The following POU2F3 variants were observed in gnomAD, a reference collection of about 807,000 sequenced individuals.
POU2F3 encodes POU class 2 homeobox 3.
A neutral mutation model predicts 59.2 loss-of-function variants in POU2F3; 23 were observed. The observed-to-expected ratio is 0.39, with a 90% CI of 0.28 to 0.55. The LOEUF (loss-of-function observed/expected upper bound fraction) is 0.55, where lower values mean the gene tolerates loss of function less well. Ranked by LOEUF, POU2F3 falls within the 20% of genes least tolerant of loss-of-function variation. POU2F3 has a pLI of 0.66. For synonymous variants in POU2F3, 190 were observed against 214.6 expected (o/e 0.89, Z 1.00); for missense variants, 473 against 544.5 (o/e 0.87, Z 1.31).
In POU2F3 at chr11:120,302,384, C is replaced by A; in HGVS notation, c.444+16C>A. On this transcript the variant is annotated intron_variant, in intron 6 of 12. Coordinates refer to ENST00000543440, the MANE Select transcript of POU2F3 (RefSeq NM_014352.4). Reference sequence around the variant, plus strand: ...GGCATCCCAGGTAAACAACCCCATTCTTCCTGTTTCCTCTAGGAATGTCTC... The same window carrying A: ...GGCATCCCAGGTAAACAACCCCATTATTCCTGTTTCCTCTAGGAATGTCTC... The A allele has an allele frequency of 1.3e-6, 2 of 1,568,746 alleles. No individual in the cohort carries two copies. Among genetic ancestry groups the A allele is most frequent in the Admixed American group, 3.3e-5 (2 of 59,896 alleles).
Position 120,240,151 on chromosome 11 carries a change from C to T in POU2F3, c.-193C>T, listed in dbSNP as rs1938598403. 1.7e-6 allele frequency: 2 copies of T among 1,199,732 alleles called. No individual in the cohort carries two copies. Among genetic ancestry groups the T allele is most frequent in the Non-Finnish European group, 2.1e-6 (2 of 964,410 alleles). The allele number at this position is 1,199,732 out of a possible 1,614,324, so 74.3% of individuals were successfully genotyped here. A position where few individuals can be genotyped will look rare whatever the true frequency, so the allele number is the denominator to read the frequency against. On this transcript the variant is annotated 5_prime_UTR_variant, in exon 1 of 13. Coordinates refer to ENST00000543440, the MANE Select transcript of POU2F3 (RefSeq NM_014352.4). ...GTGCTCACCTGGGGAGTGTGGCAATCCTGGCGGCGCCGAGTGTTGCCCGGG... is the reference window on the plus strand; with the variant it reads ...GTGCTCACCTGGGGAGTGTGGCAATTCTGGCGGCGCCGAGTGTTGCCCGGG...
intron 2 of POU2F3, chr11:120,265,949 T>C (rs1939811881): frequency 6.6e-6 from 1 of 152,224 alleles, no homozygotes; most frequent in Admixed American, 6.5e-5. Context: ...GACCCTTTTT[T>C]CTTCCTCATC....
chr11:120,239,697 G>A (rs769227084), upstream of POU2F3, among the ~76,000 whole-genome samples: 33 of 152,214 alleles, frequency 2.2e-4, no homozygotes, highest in Non-Finnish European at 4.0e-4. Flanking sequence ...AGTTAAATGA[G>A]CTCAGGGAGG....
intron 2 of POU2F3, among the ~76,000 whole-genome samples, chr11:120,263,610 C>T (rs538058026): frequency 7.2e-5 from 11 of 152,312 alleles, no homozygotes; most frequent in Middle Eastern, 3.4e-3. Context: ...TTGGAGTTAT[C>T]GGAAAAACTG....
chr11:120,247,496 C>G (rs1439121829), intron 2 of POU2F3, among the ~76,000 whole-genome samples: 3 of 152,192 alleles, frequency 2.0e-5, no homozygotes, highest in Non-Finnish European at 1.5e-5. Flanking sequence ...AATACTGAAA[C>G]AGTGTTTCCT....
intron 2 of POU2F3, chr11:120,265,957 A>T (rs1430965380): frequency 6.6e-6 from 1 of 151,640 alleles, no homozygotes; most frequent in Admixed American, 6.6e-5. Context: ...TTTCTTCCTC[A>T]TCTAGGCTCA....
intron 2 of POU2F3, among the ~76,000 whole-genome samples, chr11:120,257,782 G>T (rs1033958670): frequency 6.6e-6 from 1 of 152,174 alleles, no homozygotes; most frequent in Non-Finnish European, 1.5e-5. Context: ...GATCAAACAA[G>T]AAATGGACAT....
intron 12 of POU2F3, among the ~76,000 whole-genome samples, chr11:120,317,997 C>G (rs184596144): frequency 6.6e-6 from 1 of 152,274 alleles, no homozygotes; most frequent in East Asian, 1.9e-4. Context: ...CAAATCCAGG[C>G]GGTTCAGCAA....
At chr11:120,307,652 C>T (rs775508938) in intron 9 of POU2F3, 37 bp downstream of exon 9, 37 of 1,611,722 alleles carry the variant, frequency 2.3e-5, no homozygotes, top group Non-Finnish European at 2.8e-5. Context: ...GGTGGGCTAC[C>T]TCACACAGGT....
chr11:120,318,771 CT>C lies in POU2F3; in HGVS notation c.*380del. ...TGGGCTTCTGGGGACAGCCATTTGG[CT>C]GGGGTGCCAAACACCAGAAGGGGAG... On this transcript the variant is annotated 3_prime_UTR_variant, in exon 13 of 13. Transcript: ENST00000543440. 1 of 216,686 alleles carries C rather than the reference CT, an allele frequency of 4.6e-6. No individual in the cohort carries two copies. The highest frequency in any genetic ancestry group is 9.0e-6 in the Non-Finnish European group (1 of 110,916). 13.4% of individuals were successfully genotyped at this position (216,686 alleles called of 1,614,324 possible). A position where few individuals can be genotyped will look rare whatever the true frequency, so the allele number is the denominator to read the frequency against.
intron 2 of POU2F3, among the ~76,000 whole-genome samples, chr11:120,263,756 A>C (rs1939705830): frequency 6.6e-6 from 1 of 152,184 alleles, no homozygotes; most frequent in Non-Finnish European, 1.5e-5. Flanking sequence ...GCTGCTGGCC[A>C]TATGTGTTCT....
At chr11:120,245,747 G>C (rs1028315798) in intron 1 of POU2F3, among the ~76,000 whole-genome samples, 1 of 152,208 alleles carries the variant, frequency 6.6e-6, no homozygotes, top group Non-Finnish European at 1.5e-5. Context: ...TGAGCCAGGG[G>C]CCTGGTGTAG....
chr11:120,293,970 A>G (rs1013546796), intron 3 of POU2F3, among the ~76,000 whole-genome samples: 1 of 152,082 alleles, frequency 6.6e-6, no homozygotes, highest in Admixed American at 6.5e-5. Flanking sequence ...TGAGTTTATA[A>G]CCATCTCTGA....
chr11:120,312,088 C>G (rs1040462992), intron 10 of POU2F3, among the ~76,000 whole-genome samples: 25 of 152,072 alleles, frequency 1.6e-4, no homozygotes, highest in African/African-American at 6.0e-4. Context: ...GAAGGAACAG[C>G]CTGTGAGAAG....
chr11:120,279,809 G>A (rs576700627), intron 3 of POU2F3, among the ~76,000 whole-genome samples: 3 of 152,310 alleles, frequency 2.0e-5, no homozygotes, highest in African/African-American at 4.8e-5. Context: ...AGAAGCCTGT[G>A]CCTAGTACTT....
Position 120,246,490 on chromosome 11 carries a change from C to G in POU2F3, c.70C>G (p.Arg24Gly). ...GGATGTAGCCGATTCCACGGATGCTCGCAGCACTCTCAGCCAGGTGGAGCC... is the reference window on the plus strand; with the variant it reads ...GGATGTAGCCGATTCCACGGATGCTGGCAGCACTCTCAGCCAGGTGGAGCC... ...SGDVADSTDARSTLSQVEPGN... is the reference protein window; with the variant it reads ...SGDVADSTDAGSTLSQVEPGN... Residue 24 changes from arginine to glycine, a missense_variant, in exon 2 of 13, where the codon CGC becomes GGC. By Grantham distance (125) the Arg-to-Gly change is moderately radical. Coordinates refer to ENST00000543440, the MANE Select transcript of POU2F3 (RefSeq NM_014352.4). 1.2e-6 allele frequency: 2 copies of G among 1,613,028 alleles called. No homozygotes were observed. Among genetic ancestry groups the G allele is most frequent in the Non-Finnish European group, 1.7e-6 (2 of 1,179,922 alleles).
Position 120,307,679 on chromosome 11 carries a change from G to A in POU2F3, c.906+64G>A. 8 of 1,595,252 alleles carry A rather than the reference G, an allele frequency of 5.0e-6. No individual in the cohort carries two copies. In the South Asian group the frequency reaches 6.8e-5, roughly 13 times the overall value. ...CACACAGGTAGGGAGAGCAGACACG[G>A]CCCAGGCCCCTTGGCACCAGCCCCT... On this transcript the variant is annotated intron_variant, in intron 9 of 12. Transcript: ENST00000543440.
chr11:120,274,368 C>T (rs969841666), intron 3 of POU2F3, among the ~76,000 whole-genome samples: 2 of 152,194 alleles, frequency 1.3e-5, no homozygotes, highest in African/African-American at 2.4e-5. Context: ...TGAACATATA[C>T]ACTGTATATG....
chr11:120,302,688 T>C, intron 6 of POU2F3: 1 of 291,694 alleles, frequency 3.4e-6, no homozygotes, highest in East Asian at 7.6e-5. Context: ...AGCTCACTTC[T>C]CAGGCATACC....
Sources: gnomAD v4.1 joint callset for allele counts (sites outside exome capture counted in the v4.1 genomes callset) on GRCh38, gnomAD v4.1.1 for gene constraint, MANE v1.5 for transcripts, NCBI Gene and HGNC (gene_info 2026-07-23, HGNC 2026-07-21) for gene names.